Variants in ELP3 observed in about 807,000 individuals in gnomAD.
ELP3 encodes elongator acetyltransferase complex subunit 3.
Under a neutral mutation model 74.9 loss-of-function variants are expected in ELP3, and 56 were observed. That is an observed-to-expected ratio of 0.75 (90% CI 0.60 to 0.93). ELP3 has a LOEUF of 0.93. Ranked by LOEUF, ELP3 falls within the 40% of genes least tolerant of loss-of-function variation. ELP3 has a pLI of 0.00. For missense variants in ELP3, 573 were observed against 686.5 expected (o/e 0.83, Z 1.85); for synonymous variants, 222 against 239.8 (o/e 0.93, Z 0.68).
upstream of ELP3, among the ~76,000 whole-genome samples, chr8:28,092,493 T>G (rs138872555): frequency 1.2e-4 from 19 of 152,282 alleles, no homozygotes; most frequent in East Asian, 3.7e-3. Context: ...CCTCCTGAGA[T>G]GGGCATAGTG....
At chr8:28,153,934 A>G (rs1039485733) in intron 10 of ELP3, among the ~76,000 whole-genome samples, 10 of 152,086 alleles carry the variant, frequency 6.6e-5, no homozygotes, top group African/African-American at 1.4e-4. Context: ...CTCTCTTCCT[A>G]TGTCCAGCCA....
intron 1 of ELP3, among the ~76,000 whole-genome samples, chr8:28,096,814 G>A (rs1811269909): frequency 6.6e-6 from 1 of 152,186 alleles, no homozygotes; most frequent in Non-Finnish European, 1.5e-5. Context: ...CTGAATTCAT[G>A]CATCTAAATG....
intron 14 of ELP3, among the ~76,000 whole-genome samples, chr8:28,168,124 G>C (rs1814380118): frequency 6.6e-6 from 1 of 152,214 alleles, no homozygotes; most frequent in Non-Finnish European, 1.5e-5. Flanking sequence ...CCAGTTTGTA[G>C]TACACCGCAC....
Position 28,157,289 on chromosome 8 carries a change from CAAA to C in ELP3, c.1192-1265_1192-1263del, listed in dbSNP as rs35938340. Among the ~76,000 whole-genome samples, 6 of 106,750 alleles carry C rather than the reference CAAA, an allele frequency of 5.6e-5. No individual in the cohort carries two copies. In the East Asian group the frequency reaches 7.3e-4, roughly 13 times the overall value. 70.0% of individuals were successfully genotyped at this position (106,750 alleles called of 152,430 possible). A position where few individuals can be genotyped will look rare whatever the true frequency, so the allele number is the denominator to read the frequency against. On this transcript the variant is annotated intron_variant, in intron 11 of 14. Transcript: ENST00000256398. ...ATCTCTGCCTTTAAAAAAAGCATGC[CAAA>C]AAAAAAAAAAAAACAGAAACAGCAT... is the stretch of plus-strand genomic sequence containing the variant.
intron 3 of ELP3, among the ~76,000 whole-genome samples, chr8:28,103,017 A>G (rs1471676729): frequency 6.6e-6 from 1 of 152,178 alleles, no homozygotes; most frequent in Non-Finnish European, 1.5e-5. Context: ...TAAAAATACA[A>G]AAATTAGCCG....
chr8:28,095,856 A>G (rs1466746157), intron 1 of ELP3, among the ~76,000 whole-genome samples: 1 of 152,146 alleles, frequency 6.6e-6, no homozygotes, highest in East Asian at 1.9e-4. Flanking sequence ...CCACGCTTTC[A>G]TTATGTTTTA....
intron 9 of ELP3, among the ~76,000 whole-genome samples, chr8:28,134,211 C>T (rs1163235347): frequency 6.6e-6 from 1 of 152,040 alleles, no homozygotes; most frequent in African/African-American, 2.4e-5. Context: ...AGTAGGATAG[C>T]CAGAACTCAT....
At position 28,118,658 on chromosome 8, in the gene ELP3, T is replaced by C. The variant is rs182207842; in HGVS notation, c.617+5485T>C. Among the ~76,000 whole-genome samples, 177 of 152,352 alleles carry C rather than the reference T, an allele frequency of 1.2e-3. 2 individuals are homozygous for C. Among genetic ancestry groups the C allele is most frequent in the Admixed American group, 7.7e-3 (118 of 15,310 alleles). ...AGTGGGATCTGAGTCACCCATTCACTAGAATGCAAATGTTGCCAAATAACT... is the reference window on the plus strand; with the variant it reads ...AGTGGGATCTGAGTCACCCATTCACCAGAATGCAAATGTTGCCAAATAACT... On this transcript the variant is annotated intron_variant, in intron 7 of 14. Coordinates refer to ENST00000256398, the MANE Select transcript of ELP3 (RefSeq NM_018091.6).
chr8:28,104,509 G>A (rs1415280855), intron 3 of ELP3, among the ~76,000 whole-genome samples: 1 of 152,176 alleles, frequency 6.6e-6, no homozygotes, highest in Non-Finnish European at 1.5e-5. Flanking sequence ...AGAATCACCT[G>A]TTGCATTTAA....
At chr8:28,107,449 A>G (rs1199957986) in intron 4 of ELP3, among the ~76,000 whole-genome samples, 1 of 152,236 alleles carries the variant, frequency 6.6e-6, no homozygotes, top group Non-Finnish European at 1.5e-5. Context: ...AATTTGGATC[A>G]GAAACATATC....
chr8:28,176,948 A>C (rs1346652022), intron 14 of ELP3, among the ~76,000 whole-genome samples: 1 of 152,162 alleles, frequency 6.6e-6, no homozygotes, highest in Non-Finnish European at 1.5e-5. Flanking sequence ...AAAACTCTCT[A>C]AGAGCTGTAA....
intron 3 of ELP3, among the ~76,000 whole-genome samples, 156 bp from the exon 4 acceptor site, chr8:28,106,557 A>G (rs1260894201): frequency 5.7e-5 from 6 of 104,440 alleles, no homozygotes; most frequent in Admixed American, 2.2e-4. Flanking sequence ...AAAAAAAAAA[A>G]AAAAAAAAAA....
chr8:28,139,753 T>C (rs1340045019), intron 10 of ELP3, among the ~76,000 whole-genome samples: 1 of 152,160 alleles, frequency 6.6e-6, no homozygotes, highest in Non-Finnish European at 1.5e-5. Flanking sequence ...GAGACCAGCC[T>C]GGCCAACATG....
chr8:28,179,039 T>A (rs1164043073), intron 14 of ELP3, among the ~76,000 whole-genome samples: 1 of 152,230 alleles, frequency 6.6e-6, no homozygotes, highest in African/African-American at 2.4e-5. Flanking sequence ...ATACTCGGAT[T>A]TCTTTCAACC....
intron 14 of ELP3, among the ~76,000 whole-genome samples, chr8:28,177,726 GA>G (rs571862920): frequency 6.9e-4 from 105 of 152,296 alleles, no homozygotes; most frequent in Admixed American, 7.2e-4. Flanking sequence ...AAGCATCAAA[GA>G]ACAAGAATGC....
At chr8:28,108,032 T>C in intron 5 of ELP3, 56 bp downstream of exon 5, 1 of 1,478,484 alleles carries the variant, frequency 6.8e-7, no homozygotes, top group Admixed American at 1.7e-5. Context: ...TTACCTGTAG[T>C]ATGGTTTTAC....
intron 14 of ELP3, 57 bp from the exon 15 acceptor site, chr8:28,189,592 C>T (rs1042372922): frequency 1.3e-6 from 2 of 1,576,174 alleles, no homozygotes; most frequent in South Asian, 1.1e-5. Flanking sequence ...AAGCACATGC[C>T]GACTTTTGAG....
chr8:28,187,873 G>C (rs1269666045), intron 14 of ELP3, among the ~76,000 whole-genome samples: 1 of 152,182 alleles, frequency 6.6e-6, no homozygotes, highest in East Asian at 1.9e-4. Flanking sequence ...GGCTCAAGGA[G>C]AGCTCTGAGT....
chr8:28,132,934 T>C (rs1812836113), intron 9 of ELP3, among the ~76,000 whole-genome samples: 1 of 152,146 alleles, frequency 6.6e-6, no homozygotes, highest in Admixed American at 6.5e-5. Flanking sequence ...TTTATCTGTT[T>C]ATGATAAATT....
Sources: allele counts gnomAD v4.1 joint callset (sites outside exome capture counted in the v4.1 genomes callset), GRCh38; gene constraint gnomAD v4.1.1; transcripts MANE v1.5; gene names NCBI Gene and HGNC (gene_info 2026-07-23, HGNC 2026-07-21).